Variants in OXR1 observed in about 807,000 individuals in gnomAD.
OXR1 encodes the protein oxidation resistance protein 1.
A neutral mutation model predicts 104.6 loss-of-function variants in OXR1; 41 were observed. That is an observed-to-expected ratio of 0.39 (90% CI 0.31 to 0.51). The LOEUF (loss-of-function observed/expected upper bound fraction) is 0.51. Ranked by LOEUF, OXR1 falls within the 20% of genes least tolerant of loss-of-function variation. OXR1 has a pLI of 0.77. For synonymous variants in OXR1, 348 were observed against 348.4 expected (o/e 1.00, Z 0.01); for missense variants, 955 against 1,031.9 (o/e 0.93, Z 1.02).
At chr8:106,648,531 T>C (rs1438548646) in intron 3 of OXR1, among the ~76,000 whole-genome samples, 2 of 152,216 alleles carry the variant, frequency 1.3e-5, no homozygotes, top group African/African-American at 4.8e-5. Context: ...TCAGAAATCA[T>C]TGTCTTACTT....
chr8:106,490,061 A>C (rs1810974350), intron 2 of OXR1, among the ~76,000 whole-genome samples: 4 of 152,182 alleles, frequency 2.6e-5, no homozygotes, highest in African/African-American at 9.7e-5. Context: ...ATCTTTATTG[A>C]GTACTGTTAT....
chr8:106,641,249 T>G (rs767309964), intron 3 of OXR1, among the ~76,000 whole-genome samples: 23 of 152,162 alleles, frequency 1.5e-4, no homozygotes, highest in Non-Finnish European at 2.9e-4. Context: ...TAAAGAAGGC[T>G]TTAGAGAGTA....
At chr8:106,377,857 C>T (rs185214774) in intron 2 of OXR1, among the ~76,000 whole-genome samples, 1 of 152,216 alleles carries the variant, frequency 6.6e-6, no homozygotes, top group East Asian at 1.9e-4. Context: ...TAGGCATGCC[C>T]TTGTTTTGTC....
At chr8:106,703,309 C>T (rs986852979) in intron 8 of OXR1, among the ~76,000 whole-genome samples, 3 of 152,106 alleles carry the variant, frequency 2.0e-5, no homozygotes, top group African/African-American at 7.2e-5. Context: ...GGTCAGAGAA[C>T]CAGATATTTG....
intron 1 of OXR1, among the ~76,000 whole-genome samples, chr8:106,294,967 A>G (rs1446341244): frequency 6.6e-6 from 1 of 152,216 alleles, no homozygotes; most frequent in Non-Finnish European, 1.5e-5. Flanking sequence ...AATCAAGAAT[A>G]GTTGACTTAC....
rs935805892 is a variant in OXR1, at chr8:106,740,402, T to G, written c.2223T>G (p.Thr741=). 1.2e-6 allele frequency: 2 copies of G among 1,612,936 alleles called. No individual in the cohort carries two copies. Among genetic ancestry groups the G allele is most frequent in the African/African-American group, 2.7e-5 (2 of 74,834 alleles). The part of the protein sequence containing the change: ...IGYPWTLVYG[T]GKHGTSLKTL... ...ATCCATGGACTCTTGTTTATGGTAC[T>G]GGAAAACATGGCACAAGCTTGAAAA... The change falls in exon 14 of 17, where the codon ACT becomes ACG. Residue 741 remains threonine (T), a synonymous_variant. Coordinates refer to ENST00000517566, the MANE Select transcript of OXR1 (RefSeq NM_001198533.2).
At chr8:106,276,593 G>C (rs142705579) in intron 1 of OXR1, among the ~76,000 whole-genome samples, 1 of 151,972 alleles carries the variant, frequency 6.6e-6, no homozygotes, top group Non-Finnish European at 1.5e-5. Flanking sequence ...CATCATTTCA[G>C]CTTAGTTTAC....
At chr8:106,684,882 A>T (rs1828540189) in intron 6 of OXR1, among the ~76,000 whole-genome samples, 1 of 152,188 alleles carries the variant, frequency 6.6e-6, no homozygotes. Flanking sequence ...ACTTCAGGGA[A>T]CTAAACTTCA....
At chr8:106,571,789 C>T (rs1817488023) in intron 3 of OXR1, among the ~76,000 whole-genome samples, 1 of 152,082 alleles carries the variant, frequency 6.6e-6, no homozygotes, top group South Asian at 2.1e-4. Flanking sequence ...ACTTCTAAAA[C>T]ACAAGAGTGG....
chr8:106,317,223 T>A (rs1814003643), intron 1 of OXR1, among the ~76,000 whole-genome samples: 1 of 152,174 alleles, frequency 6.6e-6, no homozygotes, highest in African/African-American at 2.4e-5. Context: ...TAAGCTGATT[T>A]GTCTATAGCT....
intron 3 of OXR1, among the ~76,000 whole-genome samples, chr8:106,587,156 T>C (rs1818692232): frequency 6.6e-6 from 1 of 151,968 alleles, no homozygotes; most frequent in South Asian, 2.1e-4. Context: ...TCTGAATAGG[T>C]GAGAGAGGAT....
chr8:106,714,052 G>C lies in OXR1; in HGVS notation c.1956+67G>C, dbSNP rs185489800. 47 of 1,214,514 alleles carry C rather than the reference G, an allele frequency of 3.9e-5. No individual in the cohort carries two copies. In the East Asian group the frequency reaches 5.3e-4, roughly 14 times the overall value. The allele number at this position is 1,214,514 out of a possible 1,614,324, so 75.2% of individuals were successfully genotyped here. ...TGTATGAATTTATAGCTTTATGGTA[G>C]TACAAAGTATAAGTGATGTTTCCAC... On this transcript the variant is annotated intron_variant, in intron 11 of 16. Coordinates refer to ENST00000517566, the MANE Select transcript of OXR1 (RefSeq NM_001198533.2).
intron 3 of OXR1, chr8:106,657,883 C>T (rs564315327): frequency 8.3e-5 from 103 of 1,243,368 alleles, no homozygotes; most frequent in Non-Finnish European, 9.4e-5. Flanking sequence ...GAGCCGCCTC[C>T]CCTGGGTCAG....
chr8:106,673,409 C>T (rs932589490), intron 3 of OXR1, among the ~76,000 whole-genome samples: 3 of 151,934 alleles, frequency 2.0e-5, no homozygotes, highest in Admixed American at 6.6e-5. Flanking sequence ...CCTGGGTGAC[C>T]GTAAAATCAG....
intron 1 of OXR1, among the ~76,000 whole-genome samples, chr8:106,312,000 C>G (rs555383775): frequency 6.6e-6 from 1 of 152,080 alleles, no homozygotes; most frequent in Admixed American, 6.5e-5. Flanking sequence ...TTCACCTACA[C>G]CCCCACCCCC....
intron 2 of OXR1, among the ~76,000 whole-genome samples, chr8:106,480,632 C>G (rs1219151183): frequency 6.6e-6 from 1 of 151,798 alleles, no homozygotes; most frequent in Non-Finnish European, 1.5e-5. Flanking sequence ...ACTGTGAGCC[C>G]TCAGTAAACC....
At chr8:106,314,062 G>T (rs1225508633) in intron 1 of OXR1, among the ~76,000 whole-genome samples, 1 of 152,154 alleles carries the variant, frequency 6.6e-6, no homozygotes. Context: ...TCAGAGAATT[G>T]TGAATCTGTA....
chr8:106,682,061 A>C (rs564940883), intron 4 of OXR1, among the ~76,000 whole-genome samples: 6 of 151,856 alleles, frequency 4.0e-5, no homozygotes, highest in Non-Finnish European at 7.4e-5. Context: ...GCTTTAAATC[A>C]TTTCTTTTCT....
chr8:106,362,742 C>T (rs531029674), intron 2 of OXR1, among the ~76,000 whole-genome samples: 3 of 152,192 alleles, frequency 2.0e-5, no homozygotes, highest in South Asian at 2.1e-4. Context: ...CAGAAAACTA[C>T]GAATAAGTGA....
Sources: gnomAD v4.1 joint callset for allele counts (sites outside exome capture counted in the v4.1 genomes callset) on GRCh38, gnomAD v4.1.1 for gene constraint, MANE v1.5 for transcripts, NCBI Gene and HGNC (gene_info 2026-07-23, HGNC 2026-07-21) for gene names.